The following LARGE1 variants were observed in gnomAD, a reference collection of about 807,000 sequenced individuals.
LARGE1 encodes LARGE xylosyl- and glucuronyltransferase 1.
A neutral mutation model predicts 87.6 loss-of-function variants in LARGE1; 43 were observed. That is an observed-to-expected ratio of 0.49 (90% CI 0.38 to 0.63). The LOEUF is 0.63. Ranked by LOEUF, LARGE1 falls within the 30% of genes least tolerant of loss-of-function variation. The pLI is 0.00. For missense variants in LARGE1, 802 were observed against 1,000.2 expected (o/e 0.80, Z 2.67); for synonymous variants, 434 against 394.6 (o/e 1.10, Z -1.18).
At chr22:33,322,154 C>T (rs184699004) in intron 10 of LARGE1, among the ~76,000 whole-genome samples, 3 of 152,146 alleles carry the variant, frequency 2.0e-5, no homozygotes, top group Admixed American at 2.0e-4. Flanking sequence ...AGGTACATAC[C>T]CTTGAGTTGG....
chr22:33,648,039 G>A (rs1015208690), intron 3 of LARGE1, among the ~76,000 whole-genome samples: 7 of 152,192 alleles, frequency 4.6e-5, no homozygotes, highest in African/African-American at 1.7e-4. Flanking sequence ...TTACAGGCAT[G>A]AGCCACTGTG....
intron 2 of LARGE1, among the ~76,000 whole-genome samples, chr22:33,670,467 T>G (rs1189352565): frequency 6.6e-6 from 1 of 151,772 alleles, no homozygotes; most frequent in Non-Finnish European, 1.5e-5. Flanking sequence ...ATACAACATC[T>G]TAGAACCATG....
At chr22:33,428,859 G>C (rs961216659) in intron 7 of LARGE1, among the ~76,000 whole-genome samples, 20 of 149,470 alleles carry the variant, frequency 1.3e-4, no homozygotes, top group African/African-American at 3.7e-4. Flanking sequence ...GAACCCGGGA[G>C]GCAGAGCTTG....
the LARGE1 span, among the ~76,000 whole-genome samples, chr22:33,120,367 TTTC>T: frequency 2.8e-5 from 2 of 71,442 alleles, no homozygotes; most frequent in African/African-American, 8.2e-5. Context: ...TTTTTCTTTC[TTTC>T]TTTCTTTCTT....
At chr22:33,255,509 A>G (rs1927218856) in intron 11 of LARGE1, among the ~76,000 whole-genome samples, 1 of 152,228 alleles carries the variant, frequency 6.6e-6, no homozygotes, top group Admixed American at 6.5e-5. Context: ...CCAGCCTGGC[A>G]AAATGAGAGC....
chr22:33,202,740 A>C (rs1463350402), intron 11 of LARGE1, among the ~76,000 whole-genome samples: 1 of 152,148 alleles, frequency 6.6e-6, no homozygotes, highest in African/African-American at 2.4e-5. Flanking sequence ...AACCCCACGA[A>C]GTTCTACAGT....
At chr22:33,733,907 A>C (rs899367471) in intron 2 of LARGE1, among the ~76,000 whole-genome samples, 2 of 152,202 alleles carry the variant, frequency 1.3e-5, no homozygotes, top group African/African-American at 4.8e-5. Context: ...TACCATAACA[A>C]ACAAAGAATC....
At chr22:33,752,797 G>A (rs1418183899) in intron 2 of LARGE1, among the ~76,000 whole-genome samples, 6 of 152,206 alleles carry the variant, frequency 3.9e-5, no homozygotes, top group African/African-American at 1.4e-4. Context: ...CCCAAAAGAT[G>A]TCCACATCCT....
At chr22:33,667,789 T>C (rs915612251) in intron 2 of LARGE1, among the ~76,000 whole-genome samples, 11 of 152,220 alleles carry the variant, frequency 7.2e-5, no homozygotes, top group African/African-American at 2.7e-4. Context: ...CAAACATGCA[T>C]TTATTGGACA....
chr22:33,816,005 C>G (rs1166131867), intron 1 of LARGE1, among the ~76,000 whole-genome samples: 2 of 152,218 alleles, frequency 1.3e-5, no homozygotes, highest in Non-Finnish European at 2.9e-5. Flanking sequence ...TATCTCCAAA[C>G]TTTTCCTCTT....
chr22:33,534,240 TAAA>T, intron 6 of LARGE1, among the ~76,000 whole-genome samples: 1 of 152,104 alleles, frequency 6.6e-6, no homozygotes, highest in East Asian at 1.9e-4. Flanking sequence ...CTGTCTCTAC[TAAA>T]AATACAAAAA....
At chr22:33,351,640 G>T (rs543671031) in intron 9 of LARGE1, among the ~76,000 whole-genome samples, 1 of 152,134 alleles carries the variant, frequency 6.6e-6, no homozygotes, top group South Asian at 2.1e-4. Context: ...AATAATATAT[G>T]TAGATACTAC....
intron 1 of LARGE1, among the ~76,000 whole-genome samples, chr22:33,850,178 G>T (rs947122827): frequency 6.6e-6 from 1 of 152,164 alleles, no homozygotes; most frequent in Admixed American, 6.5e-5. Flanking sequence ...CTGGACTGAG[G>T]ATCAGAAGAT....
intron 11 of LARGE1, among the ~76,000 whole-genome samples, chr22:33,239,784 A>G (rs1926427325): frequency 6.6e-6 from 1 of 151,476 alleles, no homozygotes; most frequent in East Asian, 1.9e-4. Context: ...TGATCCGCCC[A>G]CCTCGGCCTC....
At chr22:33,332,647 G>C (rs145255406) in intron 10 of LARGE1, among the ~76,000 whole-genome samples, 33 of 152,306 alleles carry the variant, frequency 2.2e-4, no homozygotes, top group African/African-American at 7.7e-4. Flanking sequence ...ACAGAGCTGG[G>C]AGCATAGGCT....
chr22:33,665,146 T>C (rs5994785), intron 2 of LARGE1, among the ~76,000 whole-genome samples: 6 of 152,340 alleles, frequency 3.9e-5, no homozygotes, highest in African/African-American at 1.4e-4. Context: ...GCAGCATCTG[T>C]AAGCCAACCT....
chr22:33,435,766 C>T (rs1016402089), intron 6 of LARGE1, among the ~76,000 whole-genome samples: 1 of 152,186 alleles, frequency 6.6e-6, no homozygotes, highest in Non-Finnish European at 1.5e-5. Flanking sequence ...GCTCTTCATT[C>T]AGTTTGTACC....
chr22:33,079,221 CTTTTTTT>C, the LARGE1 span, among the ~76,000 whole-genome samples: 3 of 85,776 alleles, frequency 3.5e-5, no homozygotes, highest in African/African-American at 5.0e-5. Flanking sequence ...AGTTATCATT[CTTTTTTT>C]TTTTTTTTTT....
rs1444740061 is a variant in LARGE1 at position 33,274,091 on chromosome 22, T to C, written c.*336A>G. The C allele has an allele frequency of 6.5e-6, 3 of 463,480 alleles. No individual in the cohort carries two copies. The highest frequency in any genetic ancestry group is 1.2e-5 in the Non-Finnish European group (3 of 255,474). 28.7% of individuals were successfully genotyped at this position (463,480 alleles called of 1,614,324 possible). Reference sequence around the variant, plus strand: ...TGGGAAGCATAATTATTAAAAAGCATCCAGAACATCCTAAAGCCCTGCCCT... The same window carrying C: ...TGGGAAGCATAATTATTAAAAAGCACCCAGAACATCCTAAAGCCCTGCCCT... On this transcript the variant is annotated 3_prime_UTR_variant, in exon 15 of 15. Transcript: ENST00000397394.
Sources: allele counts gnomAD v4.1 joint callset (sites outside exome capture counted in the v4.1 genomes callset), GRCh38; gene constraint gnomAD v4.1.1; transcripts MANE v1.5; gene names NCBI Gene and HGNC (gene_info 2026-07-23, HGNC 2026-07-21).